The following OXSR1 variants were observed in gnomAD, a reference collection of about 807,000 sequenced individuals.
OXSR1 encodes the protein oxidative stress responsive kinase 1.
Under a neutral mutation model 79.8 loss-of-function variants are expected in OXSR1, and 24 were observed. The ratio of observed to expected loss-of-function variants is 0.30; its 90% confidence interval spans 0.22 to 0.42. The LOEUF is 0.42. Among genes scored for constraint, OXSR1 ranks in the 10% least tolerant of loss-of-function variants. The pLI is 1.00. For missense variants in OXSR1, 430 were observed against 618.4 expected, an observed-to-expected ratio of 0.70 and a Z score of 3.23; for synonymous variants, 226 against 209.2, an observed-to-expected ratio of 1.08 and a Z score of -0.69.
intron 1 of OXSR1, among the ~76,000 whole-genome samples, chr3:38,181,218 A>T (rs191556883): frequency 1.4e-5 from 2 of 147,404 alleles, no homozygotes; most frequent in African/African-American, 5.0e-5. Flanking sequence ...TGTCATTTCC[A>T]CTCTGCTATT....
intron 1 of OXSR1, among the ~76,000 whole-genome samples, chr3:38,181,841 T>TA (rs747992630): frequency 3.3e-5 from 5 of 151,362 alleles, no homozygotes; most frequent in African/African-American, 9.7e-5. Context: ...TTTTTTTTTT[T>TA]ATTGTACCTT....
rs1258015244 is a variant in OXSR1, at chr3:38,224,630, A to C, written c.762A>C (p.Lys254Asn). Reference sequence around the variant, plus strand: ...CTTTGGAAACTGGTGTTCAAGATAAAGAAATGCTGAAAAAATATGGAAAAT... The same window carrying C: ...CTTTGGAAACTGGTGTTCAAGATAACGAAATGCTGAAAAAATATGGAAAAT... ...PPSLETGVQD[K>N]EMLKKYGKSF... The change falls in exon 8 of 18, where the codon AAA (lysine) becomes AAC (asparagine). Residue 254 changes from lysine to asparagine, a missense_variant. Coordinates refer to ENST00000311806, the MANE Select transcript of OXSR1 (RefSeq NM_005109.3). 4 of 1,597,680 alleles carry C rather than the reference A, an allele frequency of 2.5e-6. No individual in the cohort carries two copies.
intron 11 of OXSR1, among the ~76,000 whole-genome samples, chr3:38,239,033 A>G (rs1001303625): frequency 1.2e-4 from 18 of 151,842 alleles, no homozygotes; most frequent in Non-Finnish European, 1.5e-5. Flanking sequence ...AAGTTTATTT[A>G]TCTTCTGCAA....
intron 1 of OXSR1, among the ~76,000 whole-genome samples, chr3:38,171,168 A>AT (rs774250060): frequency 6.6e-6 from 1 of 151,962 alleles, no homozygotes; most frequent in African/African-American, 2.4e-5. Context: ...GCCTCTCTCC[A>AT]TTTTCCCAAC....
rs7614753 is a variant in OXSR1, at chr3:38,203,844, G to C, written c.434+4981G>C. Among the ~76,000 whole-genome samples the C allele has an allele frequency of 1.5e-3, 222 of 152,248 alleles. 1 individual carries two copies. Among genetic ancestry groups the C allele is most frequent in the African/African-American group, 5.1e-3 (211 of 41,536 alleles). On this transcript the variant is annotated intron_variant, in intron 4 of 17. Transcript: ENST00000311806. ...CCATGGTAACCACTACCCAGCTATT[G>C]CCTGTGTTGTTCAAGGTCCTAGGGC... is the stretch of plus-strand genomic sequence containing the variant.
rs145987706 is a variant in OXSR1 at position 38,205,255 on chromosome 3, C to T, written c.434+6392C>T. 6.6e-5 allele frequency among the ~76,000 whole-genome samples: 10 copies of T among 152,322 alleles called. No individual in the cohort carries two copies. The East Asian group carries it at 1.9e-3, about 29-fold the overall frequency. The stretch of plus-strand genomic sequence containing the variant: ...GTTGAAATCAGGTACTGTGATCACT[C>T]ACCTGAGTTTTGGTTCTTATGAAGG... On this transcript the variant is annotated intron_variant, in intron 4 of 17. Coordinates refer to ENST00000311806, the MANE Select transcript of OXSR1 (RefSeq NM_005109.3).
chr3:38,188,966 T>C (rs754691212), intron 2 of OXSR1, among the ~76,000 whole-genome samples: 39 of 152,334 alleles, frequency 2.6e-4, no homozygotes, highest in Middle Eastern at 6.8e-3. Flanking sequence ...CCTAGCACTA[T>C]ACCTGGCACG....
chr3:38,179,646 TCCCAAATTCATGCATACTCAAGTATA>T (rs967273308), intron 1 of OXSR1, among the ~76,000 whole-genome samples: 5 of 152,088 alleles, frequency 3.3e-5, no homozygotes, highest in East Asian at 1.9e-4. Context: ...GTTCCAGGAC[TCCCAAATTCATGCATACTCAAGTATA>T]CCCAAATTCA....
intron 4 of OXSR1, among the ~76,000 whole-genome samples, chr3:38,201,335 G>A (rs1056912417): frequency 2.0e-5 from 3 of 151,556 alleles, no homozygotes; most frequent in Non-Finnish European, 4.4e-5. Context: ...TGAGAGGCGG[G>A]CGGATTGCTT....
intron 2 of OXSR1, among the ~76,000 whole-genome samples, chr3:38,186,867 C>A (rs1559504356): frequency 6.6e-6 from 1 of 152,160 alleles, no homozygotes; most frequent in Non-Finnish European, 1.5e-5. Flanking sequence ...CTGTGTTTAA[C>A]TTTTTGAAAA....
At chr3:38,173,700 T>C (rs1559499098) in intron 1 of OXSR1, among the ~76,000 whole-genome samples, 1 of 152,206 alleles carries the variant, frequency 6.6e-6, no homozygotes, top group Admixed American at 6.5e-5. Context: ...AGATTTTTTT[T>C]CCTTGAAAAT....
At chr3:38,165,991 C>T (rs745717466) in intron 1 of OXSR1, 45 bp downstream of exon 1, 11 of 1,536,206 alleles carry the variant, frequency 7.2e-6, no homozygotes, top group Non-Finnish European at 9.8e-6. Flanking sequence ...CGCTGGGAGG[C>T]GGGGGACACG....
chr3:38,167,704 C>T (rs1575299498), intron 1 of OXSR1, among the ~76,000 whole-genome samples: 1 of 152,148 alleles, frequency 6.6e-6, no homozygotes, highest in East Asian at 1.9e-4. Flanking sequence ...GGGCCTGTGT[C>T]CTTGCTACAT....
intron 12 of OXSR1, among the ~76,000 whole-genome samples, chr3:38,244,683 C>T (rs957615175): frequency 7.7e-5 from 3 of 39,010 alleles, no homozygotes; most frequent in African/African-American, 2.1e-4. Context: ...GCATGTACCA[C>T]ATTTTATTCA....
intron 2 of OXSR1, among the ~76,000 whole-genome samples, chr3:38,185,751 G>A (rs973830047): frequency 6.6e-6 from 1 of 151,836 alleles, no homozygotes; most frequent in East Asian, 1.9e-4. Flanking sequence ...GAGGTTAGCC[G>A]GGGCAACGTG....
At chr3:38,233,571 C>T (rs2125844774) in intron 10 of OXSR1, among the ~76,000 whole-genome samples, 1 of 152,192 alleles carries the variant, frequency 6.6e-6, no homozygotes. Flanking sequence ...AGGAAACAGA[C>T]TATATAGGAA....
chr3:38,251,102 T>C (rs1025027898), intron 15 of OXSR1, among the ~76,000 whole-genome samples: 7 of 152,330 alleles, frequency 4.6e-5, no homozygotes, highest in African/African-American at 1.7e-4. Context: ...TTTTTGAGAA[T>C]AAATCATTCT....
At chr3:38,245,388 TC>T (rs1163573184) in intron 12 of OXSR1, among the ~76,000 whole-genome samples, 1 of 152,186 alleles carries the variant, frequency 6.6e-6, no homozygotes, top group African/African-American at 2.4e-5. Context: ...ATATAAAATA[TC>T]TTTTTTTAGT....
chr3:38,189,908 A>G (rs1158525360), intron 2 of OXSR1, among the ~76,000 whole-genome samples: 2 of 152,188 alleles, frequency 1.3e-5, no homozygotes, highest in African/African-American at 2.4e-5. Flanking sequence ...CACACAATGT[A>G]CTATCCAGTA....
Sources: allele counts gnomAD v4.1 joint callset (sites outside exome capture counted in the v4.1 genomes callset), GRCh38; gene constraint gnomAD v4.1.1; transcripts MANE v1.5; gene names NCBI Gene and HGNC (gene_info 2026-07-23, HGNC 2026-07-21).